Variants in MRRF observed in about 807,000 individuals in gnomAD.
MRRF encodes ribosome-recycling factor, mitochondrial.
A neutral mutation model predicts 25.1 loss-of-function variants in MRRF; 18 were observed. The observed-to-expected ratio is 0.72, with a 90% CI of 0.50 to 1.06. The LOEUF is 1.06. Ranked by LOEUF, MRRF falls within the 50% of genes least tolerant of loss-of-function variation. MRRF has a pLI of 0.00. For synonymous variants in MRRF, 113 were observed against 112.1 expected, an observed-to-expected ratio of 1.01 and a Z score of -0.05; for missense variants, 323 against 319.3, an observed-to-expected ratio of 1.01 and a Z score of -0.09.
chr9:122,312,154 C>T (rs1835243525), intron 5 of MRRF, among the ~76,000 whole-genome samples: 1 of 152,248 alleles, frequency 6.6e-6, no homozygotes, highest in South Asian at 2.1e-4. Context: ...AGAATACAGG[C>T]CAGAAAGATC....
intron 6 of MRRF, among the ~76,000 whole-genome samples, chr9:122,317,653 G>A (rs1262814244): frequency 1.3e-5 from 2 of 152,122 alleles, no homozygotes; most frequent in African/African-American, 4.8e-5. Flanking sequence ...ATAAAGAAAA[G>A]TCACATGCAC....
At chr9:122,316,768 T>C (rs1227515610) in intron 6 of MRRF, among the ~76,000 whole-genome samples, 1 of 152,092 alleles carries the variant, frequency 6.6e-6, no homozygotes, top group East Asian at 1.9e-4. Context: ...CCCTCCCACA[T>C]TGGAGAGGCA....
At chr9:122,307,955 C>T (rs1032640213) in intron 5 of MRRF, among the ~76,000 whole-genome samples, 3 of 152,160 alleles carry the variant, frequency 2.0e-5, no homozygotes, top group African/African-American at 7.2e-5. Context: ...CTCATTGAAA[C>T]AATAGGAAGT....
intron 4 of MRRF, among the ~76,000 whole-genome samples, chr9:122,289,592 A>C (rs1833625186): frequency 6.6e-6 from 1 of 151,876 alleles, no homozygotes; most frequent in South Asian, 2.1e-4. Context: ...TTAACTTTAG[A>C]ATCTGTTTTT....
In MRRF at chr9:122,285,704, A is replaced by C. The variant is rs138084593; in HGVS notation, c.459+417A>C. ...ATACTACGATTTTTATTTCCAGAAG[A>C]AGCTAGTAACACAAATTTTTATGTG... is the stretch of plus-strand genomic sequence containing the variant. On this transcript the variant is annotated intron_variant, in intron 4 of 6. Coordinates refer to ENST00000344641, the MANE Select transcript of MRRF (RefSeq NM_138777.5). 2.8e-4 allele frequency: 320 copies of C among 1,151,898 alleles called. 1 individual carries two copies. In the African/African-American group the frequency reaches 4.8e-3, roughly 17 times the overall value. The allele number at this position is 1,151,898 out of a possible 1,614,324, so 71.4% of individuals were successfully genotyped here.
chr9:122,265,727 T>G, intron 1 of MRRF: 1 of 1,287,316 alleles, frequency 7.8e-7, no homozygotes, highest in Non-Finnish European at 1.0e-6. Flanking sequence ...CCGCAAATGC[T>G]TTTTGAATAC....
intron 5 of MRRF, among the ~76,000 whole-genome samples, chr9:122,293,276 T>G (rs1289789219): frequency 6.6e-6 from 1 of 152,242 alleles, no homozygotes; most frequent in African/African-American, 2.4e-5. Context: ...CACATTATCC[T>G]GTATTCCTTT....
At chr9:122,303,281 ATATAT>A (rs1353885966) in intron 5 of MRRF, among the ~76,000 whole-genome samples, 2 of 148,222 alleles carry the variant, frequency 1.3e-5, no homozygotes, top group Admixed American at 6.7e-5. Flanking sequence ...ACCTAAATAA[ATATAT>A]TATATATATA....
intron 5 of MRRF, among the ~76,000 whole-genome samples, chr9:122,311,891 G>T (rs1168083360): frequency 6.6e-6 from 1 of 152,144 alleles, no homozygotes; most frequent in African/African-American, 2.4e-5. Context: ...TAATTTTCCT[G>T]TTCCTTCCTT....
chr9:122,294,609 T>G (rs1394933799), intron 5 of MRRF, among the ~76,000 whole-genome samples: 2 of 152,170 alleles, frequency 1.3e-5, no homozygotes, highest in Non-Finnish European at 2.9e-5. Flanking sequence ...AAATGAATGA[T>G]CTGTTCTTTA....
At chr9:122,294,795 TGTG>T (rs780481868) in intron 5 of MRRF, among the ~76,000 whole-genome samples, 5 of 152,170 alleles carry the variant, frequency 3.3e-5, no homozygotes, top group African/African-American at 1.2e-4. Context: ...TAAGCAGAGA[TGTG>T]GTGAGATTAA....
chr9:122,294,548 G>T (rs959350942), intron 5 of MRRF, among the ~76,000 whole-genome samples: 2 of 152,108 alleles, frequency 1.3e-5, no homozygotes, highest in African/African-American at 4.8e-5. Context: ...AAGGTGGTGG[G>T]GTCATGAGGC....
chr9:122,286,175 ATCC>A, intron 4 of MRRF: 1 of 1,288,022 alleles, frequency 7.8e-7, no homozygotes, highest in Non-Finnish European at 1.0e-6. Flanking sequence ...AGGTGAAGGA[ATCC>A]TCCTGTTCTT....
intron 5 of MRRF, among the ~76,000 whole-genome samples, chr9:122,310,485 T>C (rs965945625): frequency 6.6e-6 from 1 of 152,248 alleles, no homozygotes; most frequent in African/African-American, 2.4e-5. Context: ...TTTGCATTCT[T>C]CTGCAGCTAA....
At chr9:122,271,210 T>C (rs997899601) in intron 2 of MRRF, 135 bp downstream of exon 2, 50 of 806,956 alleles carry the variant, frequency 6.2e-5, no homozygotes, top group African/African-American at 2.7e-4. Context: ...AGCTATTTCA[T>C]TGGATTAGCT....
chr9:122,319,147 C>CTTTTTTT (rs35949709), intron 6 of MRRF, among the ~76,000 whole-genome samples: 5 of 121,010 alleles, frequency 4.1e-5, no homozygotes, highest in Non-Finnish European at 8.8e-5. Flanking sequence ...TTCTTTCTTT[C>CTTTTTTT]TTTTTTTTTT....
At chr9:122,315,092 G>T (rs1041439064) in intron 6 of MRRF, among the ~76,000 whole-genome samples, 4 of 152,072 alleles carry the variant, frequency 2.6e-5, no homozygotes, top group Non-Finnish European at 5.9e-5. Context: ...ACCTGGGGGG[G>T]GGAATTTTAG....
At chr9:122,322,367 A>C (rs539372537) in intron 6 of MRRF, among the ~76,000 whole-genome samples, 173 bp from the exon 7 acceptor site, 1 of 152,280 alleles carries the variant, frequency 6.6e-6, no homozygotes, top group African/African-American at 2.4e-5. Context: ...TGTCTCAAAA[A>C]AAAAAAAAGA....
At chr9:122,284,891 C>T (rs1278094508) in intron 3 of MRRF, among the ~76,000 whole-genome samples, 1 of 152,172 alleles carries the variant, frequency 6.6e-6, no homozygotes, top group Non-Finnish European at 1.5e-5. Context: ...TTGAGCAATC[C>T]TCCCACCTCA....
Sources: gnomAD v4.1 joint callset for allele counts (sites outside exome capture counted in the v4.1 genomes callset) on GRCh38, gnomAD v4.1.1 for gene constraint, MANE v1.5 for transcripts, NCBI Gene and HGNC (gene_info 2026-07-23, HGNC 2026-07-21) for gene names.